STRBP: variants seen among roughly 807,000 people sequenced by gnomAD.
STRBP encodes the protein spermatid perinuclear RNA binding protein.
A neutral mutation model predicts 80.1 loss-of-function variants in STRBP; 13 were observed. That is an observed-to-expected ratio of 0.16 (90% CI 0.11 to 0.26). The LOEUF is 0.26. Among genes scored for constraint, STRBP ranks in the 10% least tolerant of loss-of-function variants. STRBP has a pLI of 1.00. For missense variants in STRBP, 485 were observed against 815.2 expected, an observed-to-expected ratio of 0.59 and a Z score of 4.93; for synonymous variants, 284 against 291.2, an observed-to-expected ratio of 0.98 and a Z score of 0.25.
chr9:123,148,857 C>G (rs1376723619), intron 11 of STRBP, among the ~76,000 whole-genome samples: 1 of 152,096 alleles, frequency 6.6e-6, no homozygotes, highest in Non-Finnish European at 1.5e-5. Context: ...ATCTTACAAA[C>G]TACCTTAACA....
At chr9:123,165,462 A>G (rs2037715273) in intron 6 of STRBP, among the ~76,000 whole-genome samples, 1 of 152,066 alleles carries the variant, frequency 6.6e-6, no homozygotes, top group African/African-American at 2.4e-5. Flanking sequence ...CACTGGCACC[A>G]ATATGAAGGG....
At chr9:123,144,781 C>G (rs920038225) in intron 13 of STRBP, among the ~76,000 whole-genome samples, 2 of 152,126 alleles carry the variant, frequency 1.3e-5, no homozygotes, top group African/African-American at 4.8e-5. Context: ...GGAGAACAAA[C>G]TACCTCAAAA....
chr9:123,211,790 ATATGAG>A (rs1236681091), intron 2 of STRBP, among the ~76,000 whole-genome samples: 1 of 152,196 alleles, frequency 6.6e-6, no homozygotes, highest in Non-Finnish European at 1.5e-5. Flanking sequence ...AACTTATCAC[ATATGAG>A]TATAATTCAC....
intron 2 of STRBP, among the ~76,000 whole-genome samples, chr9:123,203,414 T>C (rs372976946): frequency 1.3e-5 from 2 of 151,990 alleles, no homozygotes; most frequent in Non-Finnish European, 2.9e-5. Flanking sequence ...CTTCTAATAG[T>C]TTCCTGTCTC....
chr9:123,245,593 G>A (rs2040784513), intron 1 of STRBP, among the ~76,000 whole-genome samples: 1 of 152,148 alleles, frequency 6.6e-6, no homozygotes, highest in Admixed American at 6.5e-5. Flanking sequence ...GTGTTAGCCA[G>A]GATGGTCTCG....
chr9:123,191,121 T>C (rs1276677474), intron 2 of STRBP, among the ~76,000 whole-genome samples: 1 of 152,078 alleles, frequency 6.6e-6, no homozygotes, highest in African/African-American at 2.4e-5. Flanking sequence ...AGCAGTACGT[T>C]AGAAGGTGTG....
Position 123,124,085 on chromosome 9 carries a change from T to C in STRBP, c.*1512A>G. ...ATATCTGAGAAGTGACACTAACATT[T>C]GTTGTACATTGCCCATTTCACCTTT... On this transcript the variant is annotated 3_prime_UTR_variant, in exon 19 of 19. Coordinates refer to ENST00000348403, the MANE Select transcript of STRBP (RefSeq NM_018387.5). The C allele has an allele frequency of 3.0e-6, 3 of 985,470 alleles. No individual in the cohort carries two copies. The highest frequency in any genetic ancestry group is 2.4e-6 in the Non-Finnish European group (2 of 829,942). The allele number at this position is 985,470 out of a possible 1,614,324, so 61.0% of individuals were successfully genotyped here.
chr9:123,168,880 A>T (rs1177895881), intron 6 of STRBP, among the ~76,000 whole-genome samples: 2 of 152,218 alleles, frequency 1.3e-5, no homozygotes, highest in African/African-American at 4.8e-5. Context: ...CAAAACTACC[A>T]ATAACTGAAT....
In STRBP at chr9:123,158,390, G is replaced by A; in HGVS notation, c.875C>T (p.Thr292Ile). The change falls in exon 10 of 19, where the codon ACA (threonine) becomes ATA (isoleucine). Residue 292 changes from threonine (T) to isoleucine (I), a missense_variant. Coordinates refer to ENST00000348403, the MANE Select transcript of STRBP (RefSeq NM_018387.5). ...GLHDPCERDP[T>I]DALSYMTIQQ... is the part of the protein sequence containing the mutation. ...GATGGTCATATAGCTCAGAGCATCT[G>A]TTGGGTCTCGCTCACAAGGATCATG... The A allele has an allele frequency of 3.1e-6, 5 of 1,613,612 alleles. No individual in the cohort carries two copies. Among genetic ancestry groups the A allele is most frequent in the Non-Finnish European group, 4.2e-6 (5 of 1,179,644 alleles).
intron 1 of STRBP, among the ~76,000 whole-genome samples, chr9:123,241,227 C>T (rs1018457777): frequency 1.3e-5 from 2 of 151,504 alleles, no homozygotes; most frequent in African/African-American, 4.9e-5. Flanking sequence ...ATCAACTGGG[C>T]ACAGTGGTGC....
intron 1 of STRBP, among the ~76,000 whole-genome samples, chr9:123,264,588 T>C (rs2041229201): frequency 6.6e-6 from 1 of 152,248 alleles, no homozygotes; most frequent in Admixed American, 6.5e-5. Flanking sequence ...ATAAACCACC[T>C]TGATTCTCAT....
chr9:123,173,970 C>A, intron 4 of STRBP, 128 bp from the exon 5 acceptor site: 1 of 1,020,962 alleles, frequency 9.8e-7, no homozygotes, highest in Non-Finnish European at 1.4e-6. Flanking sequence ...ATCCAAGTAT[C>A]CACAAAATTA....
chr9:123,195,677 C>T (rs529261528), intron 2 of STRBP, among the ~76,000 whole-genome samples: 8 of 152,092 alleles, frequency 5.3e-5, no homozygotes, highest in African/African-American at 1.9e-4. Flanking sequence ...CTATAAAGTG[C>T]TGATGGAAGA....
chr9:123,258,555 G>A (rs1178233223), intron 1 of STRBP, among the ~76,000 whole-genome samples: 1 of 152,206 alleles, frequency 6.6e-6, no homozygotes, highest in Non-Finnish European at 1.5e-5. Context: ...TGTAATCCCA[G>A]CACTTTGGGA....
rs2039372772 is a variant in STRBP, at chr9:123,202,758, A to AC, written c.-164-18461dup. ...GCTTAAAGTGATAGATGCCCCATTT[A>AC]CCCTAATGTGATTGTTATCCATTGT... On this transcript the variant is annotated intron_variant, in intron 2 of 18. Transcript: ENST00000348403. 4.6e-5 allele frequency among the ~76,000 whole-genome samples: 7 copies of AC among 152,274 alleles called. No homozygotes were observed. In the South Asian group the frequency reaches 1.4e-3, roughly 32 times the overall value.
intron 1 of STRBP, among the ~76,000 whole-genome samples, chr9:123,260,454 T>TA (rs2041136839): frequency 6.6e-6 from 1 of 152,218 alleles, no homozygotes. Flanking sequence ...CAAAATAACT[T>TA]CATGAGGCAT....
At chr9:123,151,909 T>C (rs182628789) in intron 11 of STRBP, among the ~76,000 whole-genome samples, 1 of 151,864 alleles carries the variant, frequency 6.6e-6, no homozygotes, top group Admixed American at 6.6e-5. Flanking sequence ...CCTATAAAGA[T>C]TAATAAAAAT....
intron 6 of STRBP, among the ~76,000 whole-genome samples, chr9:123,168,037 T>C (rs950588833): frequency 6.6e-6 from 1 of 152,120 alleles, no homozygotes; most frequent in African/African-American, 2.4e-5. Context: ...TGCTGACAGA[T>C]ACAAGCAAAC....
At chr9:123,178,562 G>C (rs2038320403) in intron 4 of STRBP, among the ~76,000 whole-genome samples, 1 of 151,888 alleles carries the variant, frequency 6.6e-6, no homozygotes. Flanking sequence ...CAGTGAGGTA[G>C]ATACAGTCAA....
Sources: gnomAD v4.1 joint callset for allele counts (sites outside exome capture counted in the v4.1 genomes callset) on GRCh38, gnomAD v4.1.1 for gene constraint, MANE v1.5 for transcripts, NCBI Gene and HGNC (gene_info 2026-07-23, HGNC 2026-07-21) for gene names.